The following PDZD2 variants were observed in gnomAD, a reference collection of about 807,000 sequenced individuals.
PDZD2 encodes the protein PDZ domain-containing protein 2.
A neutral mutation model predicts 220.7 loss-of-function variants in PDZD2; 90 were observed. That is an observed-to-expected ratio of 0.41 (90% confidence interval 0.34 to 0.49). PDZD2 has a LOEUF of 0.49. PDZD2 is among the 20% of genes least tolerant of loss of function. PDZD2 has a pLI of 0.28. For missense variants in PDZD2, 3,174 were observed against 3,608.5 expected (o/e 0.88, Z 3.08); for synonymous variants, 1,375 against 1,450.5 (o/e 0.95, Z 1.18).
chr5:31,878,860 C>G (rs1274193324), intron 2 of PDZD2, among the ~76,000 whole-genome samples: 3 of 151,412 alleles, frequency 2.0e-5, no homozygotes, highest in African/African-American at 7.3e-5. Flanking sequence ...CGCGCCGGGC[C>G]GACCTCGGCT....
At position 32,098,536 on chromosome 5, in the gene PDZD2, G is replaced by A. The variant is rs1277249428; in HGVS notation, c.8120G>A (p.Gly2707Glu). 1.9e-6 allele frequency: 3 copies of A among 1,614,154 alleles called. No individual in the cohort carries two copies. The highest frequency in any genetic ancestry group is 4.5e-5 in the East Asian group (2 of 44,876). ...GATGCCCTCGTGGTCATCAAGAAAGGGATGGATCAGCCCAGGCCCTCTGCC... is the reference window on the plus strand; with the variant it reads ...GATGCCCTCGTGGTCATCAAGAAAGAGATGGATCAGCCCAGGCCCTCTGCC... The part of the protein sequence containing the change: ...HKDALVVIKK[G>E]MDQPRPSARQ... Residue 2707 changes from glycine to glutamate, a missense_variant, in exon 23 of 25, where the codon GGG (glycine) becomes GAG (glutamate). By Grantham distance (98) the Gly-to-Glu change is moderately conservative. Coordinates refer to ENST00000438447, the MANE Select transcript of PDZD2 (RefSeq NM_178140.4). The surrounding 1 kb of genome is among the most constrained non-coding windows in gnomAD (Gnocchi z 4.1).
intron 2 of PDZD2, among the ~76,000 whole-genome samples, chr5:31,873,428 C>T (rs369047127): frequency 2.0e-3 from 273 of 138,518 alleles, no homozygotes; most frequent in Middle Eastern, 0.014. Context: ...CAGAGTGAAG[C>T]CTTGTCTCAC....
chr5:32,101,064 CA>C, intron 23 of PDZD2, 40 bp from the exon 24 acceptor site: 1 of 1,612,854 alleles, frequency 6.2e-7, no homozygotes, highest in Admixed American at 1.7e-5. Context: ...GCATGATGAA[CA>C]ACCCTGTCAT....
intron 10 of PDZD2, among the ~76,000 whole-genome samples, chr5:32,056,374 T>G (rs1363004412): frequency 2.0e-5 from 3 of 152,198 alleles, no homozygotes; most frequent in African/African-American, 7.2e-5. Flanking sequence ...GAGGTGACAA[T>G]GTGTGTTCTT....
intron 2 of PDZD2, among the ~76,000 whole-genome samples, chr5:31,817,153 T>G (rs774337902): frequency 4.4e-4 from 58 of 132,734 alleles, no homozygotes; most frequent in South Asian, 2.3e-3. Flanking sequence ...GCCACTGCAC[T>G]CCAGCCTGGG....
intron 1 of PDZD2, among the ~76,000 whole-genome samples, chr5:31,709,350 T>C (rs1747978291): frequency 6.6e-6 from 1 of 151,744 alleles, no homozygotes; most frequent in African/African-American, 2.4e-5. Flanking sequence ...CAGCTGGGCA[T>C]GGTGGTGCAT....
chr5:32,090,364 T>A lies in PDZD2; in HGVS notation c.6916T>A (p.Cys2306Ser). The A allele has an allele frequency of 6.2e-7, 1 of 1,614,204 alleles. No homozygotes were observed. The highest frequency in any genetic ancestry group is 8.5e-7 in the Non-Finnish European group (1 of 1,180,010). ...GDIISVQETS[C>S]LVTDKIKVTR... is the part of the protein sequence containing the mutation. The stretch of plus-strand genomic sequence containing the variant: ...TATCATTTCAGTCCAGGAGACGAGC[T>A]GCCTAGTCACAGACAAAATCAAAGT... Residue 2306 changes from cysteine to serine, a missense_variant, in exon 20 of 25, where the codon TGC becomes AGC. By Grantham distance (112) the Cys-to-Ser change is moderately radical. Around this residue, in one of 4 missense-constraint regions of PDZD2, gnomAD observed 631 missense variants for 789.9 expected, o/e 0.80. Coordinates refer to ENST00000438447, the MANE Select transcript of PDZD2 (RefSeq NM_178140.4). The surrounding 1 kb of genome is among the most constrained non-coding windows in gnomAD (Gnocchi z 4.3).
intron 1 of PDZD2, among the ~76,000 whole-genome samples, chr5:31,789,219 T>C (rs1014611666): frequency 8.5e-5 from 13 of 152,154 alleles, no homozygotes; most frequent in Non-Finnish European, 7.3e-5. Context: ...AAAGAGACCC[T>C]ATATGAAAGG....
chr5:31,920,993 C>T (rs561356416), intron 2 of PDZD2, among the ~76,000 whole-genome samples: 7 of 152,148 alleles, frequency 4.6e-5, no homozygotes, highest in Non-Finnish European at 8.8e-5. Flanking sequence ...CTGCGTGTGC[C>T]GCGGTTTATC....
At chr5:31,928,761 G>A (rs971646656) in intron 2 of PDZD2, among the ~76,000 whole-genome samples, 1 of 152,056 alleles carries the variant, frequency 6.6e-6, no homozygotes, top group Non-Finnish European at 1.5e-5. Flanking sequence ...CCTGAGCCAC[G>A]ATGCCGGGCC....
chr5:31,956,163 T>G (rs970830170), intron 2 of PDZD2, among the ~76,000 whole-genome samples: 2 of 152,122 alleles, frequency 1.3e-5, no homozygotes, highest in Admixed American at 6.5e-5. Context: ...TCAAGTCCAC[T>G]GTTTGCTTAT....
intron 1 of PDZD2, among the ~76,000 whole-genome samples, chr5:31,679,365 T>A (rs1398784897): frequency 6.6e-6 from 1 of 152,232 alleles, no homozygotes; most frequent in Non-Finnish European, 1.5e-5. Context: ...CTGAGGATTT[T>A]AAAAAGTGGG....
At chr5:31,724,342 C>A (rs1268937891) in intron 1 of PDZD2, among the ~76,000 whole-genome samples, 1 of 152,090 alleles carries the variant, frequency 6.6e-6, no homozygotes, top group Non-Finnish European at 1.5e-5. Context: ...GTGGCTCACG[C>A]CTGTAATCCC....
chr5:32,051,652 G>A (rs1000700387), intron 8 of PDZD2, among the ~76,000 whole-genome samples: 4 of 152,142 alleles, frequency 2.6e-5, no homozygotes, highest in South Asian at 4.1e-4. Context: ...CTGCTTACAC[G>A]CGTGTATATT....
In PDZD2 at chr5:32,087,109, T is replaced by C. The variant is rs757041867; in HGVS notation, c.3683-22T>C. On this transcript the variant is annotated intron_variant, in intron 19 of 24. Coordinates refer to ENST00000438447, the MANE Select transcript of PDZD2 (RefSeq NM_178140.4). This position sits in a 1 kb window ranked among gnomAD's most constrained non-coding sequence, Gnocchi z 4.0. Reference sequence around the variant, plus strand: ...TACAACCTCTCCTGTGTATGTACCTTCTGTTTACGTTCCCCACGTAGAACT... The same window carrying C: ...TACAACCTCTCCTGTGTATGTACCTCCTGTTTACGTTCCCCACGTAGAACT... The C allele has an allele frequency of 6.9e-7, 1 of 1,440,078 alleles. No homozygotes were observed. Among genetic ancestry groups the C allele is most frequent in the Non-Finnish European group, 9.7e-7 (1 of 1,028,868 alleles). 89.2% of individuals were successfully genotyped at this position (1,440,078 alleles called of 1,614,324 possible).
intron 3 of PDZD2, among the ~76,000 whole-genome samples, chr5:31,988,406 C>G (rs1025064632): frequency 3.4e-5 from 5 of 146,260 alleles, no homozygotes; most frequent in African/African-American, 1.3e-4. Flanking sequence ...AGAGGGTTCC[C>G]AGCACAGGAG....
At chr5:31,962,400 T>G (rs959621305) in intron 2 of PDZD2, among the ~76,000 whole-genome samples, 3 of 152,044 alleles carry the variant, frequency 2.0e-5, no homozygotes, top group Non-Finnish European at 4.4e-5. Context: ...AATAAATAAA[T>G]CTCACCTGAC....
chr5:32,031,655 T>C (rs1755128483), intron 6 of PDZD2, among the ~76,000 whole-genome samples: 1 of 151,850 alleles, frequency 6.6e-6, no homozygotes, highest in Non-Finnish European at 1.5e-5. Flanking sequence ...CTACAGTCTA[T>C]GTAATCATCA....
intron 2 of PDZD2, among the ~76,000 whole-genome samples, chr5:31,951,243 T>C (rs184330917): frequency 5.1e-4 from 77 of 152,120 alleles, no homozygotes; most frequent in African/African-American, 1.7e-3. Flanking sequence ...AATTTTTAAA[T>C]TTTTTTAAGA....
Sources: allele counts gnomAD v4.1 joint callset (sites outside exome capture counted in the v4.1 genomes callset), GRCh38; gene constraint gnomAD v4.1.1; regional missense constraint gnomAD v4.1.1; non-coding constraint Gnocchi (gnomAD v3.1); transcripts MANE v1.5; gene names NCBI Gene and HGNC (gene_info 2026-07-23, HGNC 2026-07-21).